Variants in CPN2 observed in about 807,000 individuals in gnomAD.
The protein encoded by CPN2 is carboxypeptidase N subunit 2.
For missense variants in CPN2, 620 were observed against 671.4 expected, an observed-to-expected ratio of 0.92 and a Z score of 0.85; for synonymous variants, 336 against 318.4, an observed-to-expected ratio of 1.06 and a Z score of -0.59.
In CPN2 at chr3:194,340,888, G is replaced by T. The variant is rs576911879; in HGVS notation, c.*177C>A. The T allele has an allele frequency of 1.1e-4, 105 of 967,724 alleles. No homozygotes were observed. Among genetic ancestry groups the T allele is most frequent in the Admixed American group, 1.8e-4 (6 of 34,088 alleles). The allele number at this position is 967,724 out of a possible 1,614,324, so 59.9% of individuals were successfully genotyped here. A position where few individuals can be genotyped will look rare whatever the true frequency, so the allele number is the denominator to read the frequency against. ...TCCAGGAGAAGCGATGAAGGAAGAG[G>T]AGGAGGAGACCCTGGTTAGTGGAGC... On this transcript the variant is annotated 3_prime_UTR_variant, in exon 2 of 2. Transcript: ENST00000323830.
At chr3:194,350,584 C>T (rs1172803666) in intron 1 of CPN2, among the ~76,000 whole-genome samples, 3 of 152,284 alleles carry the variant, frequency 2.0e-5, no homozygotes, top group Non-Finnish European at 2.9e-5. Context: ...CTTAACACAG[C>T]GCCTGGCACA....
In CPN2 at chr3:194,339,902, G is replaced by A. The variant is rs1425641910; in HGVS notation, c.*1163C>T. 1 of 152,186 alleles carries A rather than the reference G, an allele frequency of 6.6e-6. No individual in the cohort carries two copies. Among genetic ancestry groups the A allele is most frequent in the Admixed American group, 6.5e-5 (1 of 15,284 alleles). The allele number at this position is 152,186 out of a possible 1,614,324, so 9.4% of individuals were successfully genotyped here. ...TTTTATACATTTTAGGGAGGAATGA[G>A]GCATCAATCAAATACATTTAAGAAA... is the stretch of plus-strand genomic sequence containing the variant. On this transcript the variant is annotated 3_prime_UTR_variant, in exon 2 of 2. Transcript: ENST00000323830.
chr3:194,346,250 G>C (rs372971593), intron 1 of CPN2, among the ~76,000 whole-genome samples: 1 of 152,240 alleles, frequency 6.6e-6, no homozygotes, highest in Non-Finnish European at 1.5e-5. Context: ...AGATGGACCC[G>C]GGGAGGCAGC....
In CPN2 at chr3:194,340,334, A is replaced by T. The variant is rs942647860; in HGVS notation, c.*731T>A. 2.0e-5 allele frequency: 3 copies of T among 152,198 alleles called. No individual in the cohort carries two copies. Among genetic ancestry groups the T allele is most frequent in the African/African-American group, 7.2e-5 (3 of 41,434 alleles). 9.4% of individuals were successfully genotyped at this position (152,198 alleles called of 1,614,324 possible). A position where few individuals can be genotyped will look rare whatever the true frequency, so the allele number is the denominator to read the frequency against. ...GGCAAGGAAATATATTTGGGGGTTA[A>T]ATATTTTTGCCTCGTCTTGTAATGT... is the stretch of plus-strand genomic sequence containing the variant. On this transcript the variant is annotated 3_prime_UTR_variant, in exon 2 of 2. Coordinates refer to ENST00000323830, the MANE Select transcript of CPN2 (RefSeq NM_001080513.4).
At position 194,341,204 on chromosome 3, in the gene CPN2, C is replaced by T. The variant is rs771003327; in HGVS notation, c.1499G>A (p.Arg500His). The change falls in exon 2 of 2, where the codon CGC becomes CAC. Residue 500 changes from arginine (R) to histidine (H), a missense_variant. Transcript: ENST00000323830. ...AGGAGAGAGCTGGACGTTCAGCCAG[C>T]GACACTGGGCCTGGTCACAGGCGAG... is the stretch of plus-strand genomic sequence containing the variant. ...VVLACDQAQC[R>H]WLNVQLSPQQ... 15 of 1,613,338 alleles carry T rather than the reference C, an allele frequency of 9.3e-6. No homozygotes were observed. In the South Asian group the frequency reaches 1.1e-4, roughly 12 times the overall value.
intron 1 of CPN2, 126 bp from the exon 2 acceptor site, chr3:194,342,831 G>A: frequency 3.5e-6 from 2 of 576,856 alleles, no homozygotes; most frequent in Admixed American, 3.1e-5. Context: ...CCAACATGCG[G>A]CAGGACCAAG....
At position 194,340,887 on chromosome 3, in the gene CPN2, G is replaced by A; in HGVS notation, c.*178C>T. 1 of 955,960 alleles carries A rather than the reference G, an allele frequency of 1.0e-6. No individual in the cohort carries two copies. Among genetic ancestry groups the A allele is most frequent in the Non-Finnish European group, 1.5e-6 (1 of 669,900 alleles). 59.2% of individuals were successfully genotyped at this position (955,960 alleles called of 1,614,324 possible). A position where few individuals can be genotyped will look rare whatever the true frequency, so the allele number is the denominator to read the frequency against. On this transcript the variant is annotated 3_prime_UTR_variant, in exon 2 of 2. Coordinates refer to ENST00000323830, the MANE Select transcript of CPN2 (RefSeq NM_001080513.4). ...CTCCAGGAGAAGCGATGAAGGAAGA[G>A]GAGGAGGAGACCCTGGTTAGTGGAG...
chr3:194,347,274 G>A (rs893615566), intron 1 of CPN2, among the ~76,000 whole-genome samples: 11 of 152,058 alleles, frequency 7.2e-5, no homozygotes, highest in African/African-American at 2.7e-4. Flanking sequence ...ATTGCTTATG[G>A]GAGGGTACGT....
In CPN2 at chr3:194,341,126, C is replaced by T. The variant is rs760274885; in HGVS notation, c.1577G>A (p.Arg526Lys). Residue 526 changes from arginine (R) to lysine (K), a missense_variant, in exon 2 of 2, where the codon AGG becomes AAG. Transcript: ENST00000323830. Reference sequence around the variant, plus strand: ...GAGCCGCAGAGAACCGCAGCTCGACCTCAGGTCCCACTCCTGACTAGCATT... The same window carrying T: ...GAGCCGCAGAGAACCGCAGCTCGACTTCAGGTCCCACTCCTGACTAGCATT... Reference protein sequence around the residue: ...QYNASQEWDLRSSCGSLRLTV... With the variant: ...QYNASQEWDLKSSCGSLRLTV... 73 of 1,612,870 alleles carry T rather than the reference C, an allele frequency of 4.5e-5. No individual in the cohort carries two copies. Among genetic ancestry groups the T allele is most frequent in the Admixed American group, 1.0e-4 (6 of 59,992 alleles).
rs1712822601 is a variant in CPN2 at position 194,341,555 on chromosome 3, G to A, written c.1148C>T (p.Thr383Ile). The A allele has an allele frequency of 1.2e-6, 2 of 1,614,154 alleles. No individual in the cohort carries two copies. Residue 383 changes from threonine to isoleucine, a missense_variant, in exon 2 of 2, where the codon ACC (threonine) becomes ATC (isoleucine). Physicochemically the swap from Thr to Ile is moderately conservative, Grantham distance 89 (BLOSUM62 -1). Coordinates refer to ENST00000323830, the MANE Select transcript of CPN2 (RefSeq NM_001080513.4). ...GGCCAGGTTGAACAGGTTGTAGTTG[G>A]TGTCGAAGATGCCCTCCGGAAGTGT... ...LTTLPEGIFD[T>I]NYNLFNLALH...
At chr3:194,346,677 A>G (rs7621334) in intron 1 of CPN2, among the ~76,000 whole-genome samples, 100,729 of 152,078 alleles carry the variant, frequency 0.66, 33,823 homozygotes, top group East Asian at 0.8. Flanking sequence ...TACCTTCCTG[A>G]TGAGGATGTT....
chr3:194,351,081 C>T (rs1044282604), intron 1 of CPN2, among the ~76,000 whole-genome samples, 161 bp downstream of exon 1: 3 of 152,198 alleles, frequency 2.0e-5, no homozygotes, highest in Non-Finnish European at 4.4e-5. Flanking sequence ...AGCGCCCTAG[C>T]TGAGCACCTC....
At chr3:194,349,253 C>T (rs753593375) in intron 1 of CPN2, among the ~76,000 whole-genome samples, 7 of 152,082 alleles carry the variant, frequency 4.6e-5, no homozygotes, top group East Asian at 1.9e-4. Flanking sequence ...CCCAGCTACT[C>T]GGGAGGCTGA....
intron 1 of CPN2, among the ~76,000 whole-genome samples, chr3:194,349,706 C>G (rs1713190196): frequency 6.7e-6 from 1 of 150,112 alleles, no homozygotes. Context: ...TGCGACCCTC[C>G]CAATTTATAC....
In CPN2 at chr3:194,342,376, G is replaced by T. The variant is rs1456012779; in HGVS notation, c.327C>A (p.Phe109Leu). The T allele has an allele frequency of 6.2e-7, 1 of 1,614,070 alleles. No homozygotes were observed. The highest frequency in any genetic ancestry group is 8.5e-7 in the Non-Finnish European group (1 of 1,180,048). Residue 109 changes from phenylalanine (F) to leucine (L), a missense_variant, in exon 2 of 2, where the codon TTC (phenylalanine) becomes TTA (leucine). Coordinates refer to ENST00000323830, the MANE Select transcript of CPN2 (RefSeq NM_001080513.4). Reference protein sequence around the residue: ...LEDLEVTGSSFLNLSTNIFSN... With the variant: ...LEDLEVTGSSLLNLSTNIFSN... ...AGAAGATGTTGGTGCTGAGGTTCAA[G>T]AAGCTACTGCCTGTGACCTCCAGGT... is the stretch of plus-strand genomic sequence containing the variant.
intron 1 of CPN2, among the ~76,000 whole-genome samples, chr3:194,344,045 G>A (rs567394127): frequency 6.6e-6 from 1 of 152,160 alleles, no homozygotes; most frequent in African/African-American, 2.4e-5. Flanking sequence ...TCCGCGAATC[G>A]GGTTCTGCAG....
At position 194,341,539 on chromosome 3, in the gene CPN2, G is replaced by A. The variant is rs1560282463; in HGVS notation, c.1164C>T (p.Phe388=). 2.5e-6 allele frequency: 4 copies of A among 1,614,188 alleles called. No individual in the cohort carries two copies. Among genetic ancestry groups the A allele is most frequent in the Non-Finnish European group, 2.5e-6 (3 of 1,180,030 alleles). The part of the protein sequence containing the change: ...EGIFDTNYNL[F]NLALHGNPWQ... Reference sequence around the variant, plus strand: ...AGGGGTTACCGTGCAGGGCCAGGTTGAACAGGTTGTAGTTGGTGTCGAAGA... The same window carrying A: ...AGGGGTTACCGTGCAGGGCCAGGTTAAACAGGTTGTAGTTGGTGTCGAAGA... The change falls in exon 2 of 2, where the codon TTC becomes TTT. Residue 388 remains phenylalanine (F), a synonymous_variant. Transcript: ENST00000323830.
intron 1 of CPN2, among the ~76,000 whole-genome samples, chr3:194,350,364 T>C (rs1036974973): frequency 6.6e-6 from 1 of 152,244 alleles, no homozygotes; most frequent in African/African-American, 2.4e-5. Context: ...TCCTGCTTAG[T>C]AGCAGGGGAA....
intron 1 of CPN2, among the ~76,000 whole-genome samples, chr3:194,349,749 C>T (rs1043945252): frequency 4.8e-5 from 7 of 146,476 alleles, no homozygotes; most frequent in African/African-American, 1.8e-4. Flanking sequence ...GTCACACTTC[C>T]CCCATGAAGC....
Sources: gnomAD v4.1 joint callset for allele counts (sites outside exome capture counted in the v4.1 genomes callset) on GRCh38, gnomAD v4.1.1 for gene constraint, MANE v1.5 for transcripts, NCBI Gene and HGNC (gene_info 2026-07-23, HGNC 2026-07-21) for gene names.